Variants in SLCO1A2 observed in about 807,000 individuals in gnomAD.
SLCO1A2 encodes solute carrier organic anion transporter family member 1A2, also known as OATP-1.
A neutral mutation model predicts 69.0 loss-of-function variants in SLCO1A2; 67 were observed. The ratio of observed to expected loss-of-function variants is 0.97; its 90% confidence interval spans 0.80 to 1.19. The LOEUF is 1.19. SLCO1A2 is among the 50% of genes most tolerant of loss of function. SLCO1A2 has a pLI of 0.00. For synonymous variants in SLCO1A2, 260 were observed against 265.9 expected (o/e 0.98, Z 0.22); for missense variants, 787 against 793.7 (o/e 0.99, Z 0.10).
intron 1 of SLCO1A2, among the ~76,000 whole-genome samples, chr12:21,394,142 G>A (rs1405557646): frequency 2.6e-5 from 4 of 152,120 alleles, no homozygotes. Flanking sequence ...TAGATTTCAA[G>A]AAAGAAACAC....
At chr12:21,341,230 T>A (rs1260884863) in intron 2 of SLCO1A2, among the ~76,000 whole-genome samples, 1 of 151,982 alleles carries the variant, frequency 6.6e-6, no homozygotes, top group South Asian at 2.1e-4. Flanking sequence ...TGGGTATGCC[T>A]ATTGATGTAT....
chr12:21,297,522 C>T lies in SLCO1A2; in HGVS notation c.957G>A (p.Met319Ile). The T allele has an allele frequency of 6.3e-7, 1 of 1,595,686 alleles. No homozygotes were observed. Among genetic ancestry groups the T allele is most frequent in the Non-Finnish European group, 8.6e-7 (1 of 1,168,200 alleles). ...MKSLSCNPIY[M>I]LFILVSVIQF... ...GTATCACACTTACAAGTATGAAAAG[C>T]ATATAAATTGGATTGCAGGAAAGAC... Residue 319 changes from methionine to isoleucine, a missense_variant, in exon 9 of 15, where the codon ATG becomes ATA. Physicochemically the swap from Met to Ile is conservative, Grantham distance 10. Transcript: ENST00000683939.
At chr12:21,308,707 GA>G (rs1949734072) in intron 4 of SLCO1A2, among the ~76,000 whole-genome samples, 1 of 152,188 alleles carries the variant, frequency 6.6e-6, no homozygotes, top group African/African-American at 2.4e-5. Flanking sequence ...GGAACAGATT[GA>G]AGAATTCCTG....
At chr12:21,331,769 C>A (rs553556691) in intron 2 of SLCO1A2, among the ~76,000 whole-genome samples, 3 of 152,032 alleles carry the variant, frequency 2.0e-5, no homozygotes, top group African/African-American at 7.2e-5. Flanking sequence ...GAGTTGCCCA[C>A]GCTCCATTGT....
At chr12:21,307,063 C>T (rs942429625) in intron 4 of SLCO1A2, 75 bp from the exon 5 acceptor site, 13 of 955,782 alleles carry the variant, frequency 1.4e-5, no homozygotes, top group Non-Finnish European at 2.1e-5. Context: ...CAGATTGTTA[C>T]CTTCTGCTTC....
chr12:21,298,430 A>G (rs1948083860), intron 8 of SLCO1A2, among the ~76,000 whole-genome samples: 1 of 151,914 alleles, frequency 6.6e-6, no homozygotes, highest in Admixed American at 6.6e-5. Context: ...ATTTCCTTTC[A>G]CTTTTCCTGT....
At chr12:21,298,189 G>C (rs1419844333) in intron 8 of SLCO1A2, among the ~76,000 whole-genome samples, 1 of 152,074 alleles carries the variant, frequency 6.6e-6, no homozygotes, top group African/African-American at 2.4e-5. Flanking sequence ...CAACATCCAG[G>C]TCCCATCCTC....
At chr12:21,286,121 G>A (rs1243329636) in intron 12 of SLCO1A2, among the ~76,000 whole-genome samples, 2 of 149,550 alleles carry the variant, frequency 1.3e-5, no homozygotes, top group Non-Finnish European at 3.0e-5. Context: ...CATTGTCTCA[G>A]CCCAAAATCT....
chr12:21,334,512 G>C, intron 2 of SLCO1A2, 76 bp downstream of exon 2: 1 of 1,033,806 alleles, frequency 9.7e-7, no homozygotes, highest in Non-Finnish European at 1.5e-6. Context: ...ATGCAGATAG[G>C]AGCAATTTTA....
At chr12:21,364,573 A>C (rs1308957006) in intron 2 of SLCO1A2, among the ~76,000 whole-genome samples, 6 of 152,186 alleles carry the variant, frequency 3.9e-5, no homozygotes, top group Non-Finnish European at 8.8e-5. Flanking sequence ...GAAAGAAATA[A>C]AGGGTATTCA....
At chr12:21,411,089 C>T (rs1445765266) in intron 1 of SLCO1A2, among the ~76,000 whole-genome samples, 5 of 151,792 alleles carry the variant, frequency 3.3e-5, no homozygotes, top group African/African-American at 1.2e-4. Flanking sequence ...TTTCAGTAGC[C>T]ATCTTGGGCC....
intron 1 of SLCO1A2, among the ~76,000 whole-genome samples, chr12:21,385,488 G>C (rs543402185): frequency 9.9e-4 from 151 of 152,338 alleles, no homozygotes; most frequent in African/African-American, 3.4e-3. Context: ...CTAACAGCTG[G>C]TTAAGAGCAA....
At position 21,373,739 on chromosome 12, in the gene SLCO1A2, A is replaced by T. The variant is rs572557497; in HGVS notation, c.-63+660T>A. 5.7e-6 allele frequency: 4 copies of T among 700,968 alleles called. No homozygotes were observed. In the African/African-American group the frequency reaches 7.0e-5, roughly 12 times the overall value. 43.4% of individuals were successfully genotyped at this position (700,968 alleles called of 1,614,324 possible). A position where few individuals can be genotyped will look rare whatever the true frequency, so the allele number is the denominator to read the frequency against. The stretch of plus-strand genomic sequence containing the variant: ...AGCGGGAAAAAAATCAAAAGGTAGT[A>T]ATTTCTTCTATATTAACCTGATACT... On this transcript the variant is annotated intron_variant, in intron 2 of 15. Transcript: ENST00000307378.
chr12:21,401,631 A>G (rs1411429983), intron 1 of SLCO1A2, among the ~76,000 whole-genome samples: 1 of 151,648 alleles, frequency 6.6e-6, no homozygotes, highest in South Asian at 2.1e-4. Context: ...AATTTTAATC[A>G]TTTTATATTT....
chr12:21,410,321 ATG>A (rs1325720727), intron 1 of SLCO1A2, among the ~76,000 whole-genome samples: 1 of 152,114 alleles, frequency 6.6e-6, no homozygotes, highest in Non-Finnish European at 1.5e-5. Flanking sequence ...GCCTGTGTGT[ATG>A]TGTGTTTAAT....
At chr12:21,347,930 T>C (rs1953329323) in intron 2 of SLCO1A2, among the ~76,000 whole-genome samples, 1 of 152,216 alleles carries the variant, frequency 6.6e-6, no homozygotes, top group South Asian at 2.1e-4. Flanking sequence ...AATTGCCATC[T>C]TTAATTCTTC....
At chr12:21,375,932 T>C (rs1264513830) in intron 1 of SLCO1A2, among the ~76,000 whole-genome samples, 2 of 152,124 alleles carry the variant, frequency 1.3e-5, no homozygotes, top group Admixed American at 1.3e-4. Flanking sequence ...ACCAGGGAGG[T>C]AATGCCTTTT....
chr12:21,382,803 AAAAAAAGAAAGAAAAGAAACG>A (rs1940670257), intron 1 of SLCO1A2, among the ~76,000 whole-genome samples: 1 of 151,840 alleles, frequency 6.6e-6, no homozygotes, highest in Non-Finnish European at 1.5e-5. Context: ...CAAAAAAAAA[AAAAAAAGAAAGAAAAGAAACG>A]AAAAAAGAAA....
intron 1 of SLCO1A2, among the ~76,000 whole-genome samples, chr12:21,401,243 A>G (rs1272693484): frequency 6.6e-6 from 1 of 151,910 alleles, no homozygotes; most frequent in Non-Finnish European, 1.5e-5. Flanking sequence ...CTATATTGTA[A>G]TTAATAAAAG....
Sources: allele counts gnomAD v4.1 joint callset (sites outside exome capture counted in the v4.1 genomes callset), GRCh38; gene constraint gnomAD v4.1.1; transcripts MANE v1.5; gene names NCBI Gene and HGNC (gene_info 2026-07-23, HGNC 2026-07-21).